LDLRAD3: variants seen among roughly 807,000 people sequenced by gnomAD.
LDLRAD3 encodes the protein low density lipoprotein receptor class A domain containing 3.
Under a neutral mutation model 29.4 loss-of-function variants are expected in LDLRAD3, and 20 were observed. The observed-to-expected ratio is 0.68, with a 90% CI of 0.48 to 0.99. LDLRAD3 has a LOEUF of 0.99. LDLRAD3 is among the 50% of genes least tolerant of loss of function. The pLI is 0.00. For synonymous variants in LDLRAD3, 157 were observed against 192.7 expected, an observed-to-expected ratio of 0.81 and a Z score of 1.53; for missense variants, 420 against 454.3, an observed-to-expected ratio of 0.92 and a Z score of 0.69.
intron 4 of LDLRAD3, among the ~76,000 whole-genome samples, chr11:36,222,399 T>C (rs892523084): frequency 2.0e-5 from 3 of 152,056 alleles, no homozygotes; most frequent in African/African-American, 7.3e-5. Context: ...TCAAAGAATA[T>C]GCACATTTTT....
At chr11:36,076,576 C>G (rs758861829) in intron 2 of LDLRAD3, among the ~76,000 whole-genome samples, 2 of 152,074 alleles carry the variant, frequency 1.3e-5, no homozygotes, top group Non-Finnish European at 2.9e-5. Context: ...GTAGTAGAGA[C>G]GAGGTTTCAC....
chr11:35,991,865 GTT>G (rs143874830), intron 1 of LDLRAD3, among the ~76,000 whole-genome samples: 2,356 of 71,596 alleles, frequency 0.033, 25 homozygotes, highest in East Asian at 0.07. Context: ...TTGAATGGTT[GTT>G]TGTGTGTGTG....
chr11:36,145,463 T>A (rs1407658786), intron 4 of LDLRAD3, among the ~76,000 whole-genome samples: 13 of 138,660 alleles, frequency 9.4e-5, no homozygotes, highest in East Asian at 4.6e-4. Flanking sequence ...TACTGGGAAG[T>A]GAGGAGCCTC....
At chr11:36,183,457 A>G (rs1565285770) in intron 4 of LDLRAD3, among the ~76,000 whole-genome samples, 1 of 152,202 alleles carries the variant, frequency 6.6e-6, no homozygotes, top group African/African-American at 2.4e-5. Context: ...AATATTGCAC[A>G]CTCTGTCCAG....
chr11:36,199,502 C>T (rs767740496), intron 4 of LDLRAD3, among the ~76,000 whole-genome samples: 4 of 152,128 alleles, frequency 2.6e-5, no homozygotes, highest in South Asian at 4.1e-4. Flanking sequence ...GTGGTACGAT[C>T]GAAGACATCT....
chr11:36,154,607 G>A (rs143730595), intron 4 of LDLRAD3, among the ~76,000 whole-genome samples: 6 of 152,218 alleles, frequency 3.9e-5, no homozygotes, highest in East Asian at 3.9e-4. Context: ...CAAAAACCCC[G>A]TTATTTTCCC....
At chr11:36,128,852 GAAA>G (rs11347605) in intron 4 of LDLRAD3, among the ~76,000 whole-genome samples, 28 of 139,582 alleles carry the variant, frequency 2.0e-4, no homozygotes, top group South Asian at 4.5e-4. Context: ...GTGTCTCAAG[GAAA>G]AAAAAAAAAA....
intron 4 of LDLRAD3, among the ~76,000 whole-genome samples, chr11:36,101,148 G>A (rs1415110617): frequency 6.6e-6 from 1 of 152,132 alleles, no homozygotes; most frequent in East Asian, 1.9e-4. Context: ...ATATGCACGT[G>A]CTCCCAGAAA....
chr11:35,962,460 G>A lies in LDLRAD3; in HGVS notation c.46+18316G>A, dbSNP rs139816298. ...GAGGGTATACCCACCCTCTGGGGCC[G>A]TCATCAGGACTAAGTGGCTGATGAT... On this transcript the variant is annotated intron_variant, in intron 1 of 5. Coordinates refer to ENST00000315571, the MANE Select transcript of LDLRAD3 (RefSeq NM_174902.4). 6.8e-4 allele frequency among the ~76,000 whole-genome samples: 104 copies of A among 152,258 alleles called. No individual in the cohort carries two copies. The Middle Eastern group carries it at 0.017, about 25-fold the overall frequency.
chr11:36,044,070 C>A lies in LDLRAD3; in HGVS notation c.193+7821C>A, dbSNP rs115357854. Among the ~76,000 whole-genome samples the A allele has an allele frequency of 5.2e-3, 795 of 152,262 alleles. 5 individuals are homozygous for A. Among genetic ancestry groups the A allele is most frequent in the African/African-American group, 0.018 (759 of 41,534 alleles). ...AATTTCTTTAGTCTTAAATGCAAAA[C>A]CATTAATGCTATGGTTAAGAACAGG... On this transcript the variant is annotated intron_variant, in intron 2 of 5. Coordinates refer to ENST00000315571, the MANE Select transcript of LDLRAD3 (RefSeq NM_174902.4).
At chr11:36,001,471 G>T (rs1400052956) in intron 1 of LDLRAD3, among the ~76,000 whole-genome samples, 1 of 152,120 alleles carries the variant, frequency 6.6e-6, no homozygotes, top group African/African-American at 2.4e-5. Context: ...CTCCATGTAT[G>T]TTTACCTGAG....
chr11:36,188,211 C>G lies in LDLRAD3; in HGVS notation c.455-38874C>G, dbSNP rs531012122. Among the ~76,000 whole-genome samples, 12 of 151,906 alleles carry G rather than the reference C, an allele frequency of 7.9e-5. No individual in the cohort carries two copies. In the East Asian group the frequency reaches 2.1e-3, roughly 27 times the overall value. On this transcript the variant is annotated intron_variant, in intron 4 of 5. Transcript: ENST00000315571. Reference sequence around the variant, plus strand: ...CTTACCTGGGAAGTCCAGGTGCCTTCAATAGTTGAGGGGAGTAAATGATAT... The same window carrying G: ...CTTACCTGGGAAGTCCAGGTGCCTTGAATAGTTGAGGGGAGTAAATGATAT...
rs1262249246 is a variant in LDLRAD3, at chr11:35,970,065, T to G, written c.46+25921T>G. On this transcript the variant is annotated intron_variant, in intron 1 of 5. Transcript: ENST00000315571. ...CCACACACTGGAAGAGGAAAACTGT[T>G]CTGTGTGGAGTGCTTACTGTGTGCT... is the stretch of plus-strand genomic sequence containing the variant. 1.3e-5 allele frequency among the ~76,000 whole-genome samples: 2 copies of G among 152,144 alleles called. 1 individual carries two copies. Among genetic ancestry groups the G allele is most frequent in the African/African-American group, 4.8e-5 (2 of 41,438 alleles).
intron 2 of LDLRAD3, among the ~76,000 whole-genome samples, chr11:36,060,284 G>A (rs1443414571): frequency 6.6e-6 from 1 of 151,572 alleles, no homozygotes; most frequent in African/African-American, 2.4e-5. Context: ...AACCCGGGAG[G>A]CGGAGCTTGC....
chr11:35,975,505 C>G (rs1425921161), intron 1 of LDLRAD3, among the ~76,000 whole-genome samples: 1 of 152,150 alleles, frequency 6.6e-6, no homozygotes, highest in African/African-American at 2.4e-5. Flanking sequence ...CCCACATTTC[C>G]TTAAGTCAAT....
At chr11:36,187,154 G>GT (rs1314940842) in intron 4 of LDLRAD3, among the ~76,000 whole-genome samples, 7 of 151,714 alleles carry the variant, frequency 4.6e-5, no homozygotes, top group Middle Eastern at 3.4e-3. Flanking sequence ...AGATCCTAGG[G>GT]TTTTTTTTAC....
intron 3 of LDLRAD3, among the ~76,000 whole-genome samples, chr11:36,088,729 T>A (rs1853232363): frequency 6.6e-6 from 1 of 152,172 alleles, no homozygotes; most frequent in South Asian, 2.1e-4. Flanking sequence ...TTCCTCCCAG[T>A]ACTCCAAAGC....
At chr11:36,020,800 C>T (rs58189852) in intron 1 of LDLRAD3, among the ~76,000 whole-genome samples, 11,929 of 152,112 alleles carry the variant, frequency 0.078, 508 homozygotes, top group South Asian at 0.14. Flanking sequence ...GAGTTTTACC[C>T]GCTGTGGAAT....
At chr11:36,078,907 G>A (rs562515988) in intron 2 of LDLRAD3, among the ~76,000 whole-genome samples, 1 of 152,306 alleles carries the variant, frequency 6.6e-6, no homozygotes, top group African/African-American at 2.4e-5. Flanking sequence ...CGCTTCCAGG[G>A]CCAGTCCCAT....
Sources: allele counts gnomAD v4.1 joint callset (sites outside exome capture counted in the v4.1 genomes callset), GRCh38; gene constraint gnomAD v4.1.1; transcripts MANE v1.5; gene names NCBI Gene and HGNC (gene_info 2026-07-23, HGNC 2026-07-21).